TMEM245: variants seen among roughly 807,000 people sequenced by gnomAD.
TMEM245 encodes the protein protein CG-2.
Under a neutral mutation model 101.2 loss-of-function variants are expected in TMEM245, and 69 were observed. The observed-to-expected ratio is 0.68, with a 90% CI of 0.56 to 0.83. The LOEUF is 0.83. TMEM245 is among the 40% of genes least tolerant of loss of function. TMEM245 has a pLI of 0.00. For missense variants in TMEM245, 1,075 were observed against 1,092.8 expected (o/e 0.98, Z 0.23); for synonymous variants, 537 against 449.8 (o/e 1.19, Z -2.45).
At chr9:109,057,624 G>T (rs1304367981) in intron 11 of TMEM245, among the ~76,000 whole-genome samples, 1 of 152,078 alleles carries the variant, frequency 6.6e-6, no homozygotes, top group Non-Finnish European at 1.5e-5. Context: ...GGTGGCACGT[G>T]CCTGTAATCC....
chr9:109,059,542 C>T (rs1374365417), intron 11 of TMEM245, among the ~76,000 whole-genome samples: 1 of 151,970 alleles, frequency 6.6e-6, no homozygotes, highest in Non-Finnish European at 1.5e-5. Context: ...ATTCACCAGG[C>T]ATGGTGGCAT....
At chr9:109,027,614 G>A (rs1312354372) in intron 17 of TMEM245, among the ~76,000 whole-genome samples, 1 of 152,070 alleles carries the variant, frequency 6.6e-6, no homozygotes, top group African/African-American at 2.4e-5. Context: ...CAAAGCAGTG[G>A]CCCTGCCACA....
chr9:109,076,836 A>T (rs965513063), intron 8 of TMEM245, among the ~76,000 whole-genome samples: 1 of 150,990 alleles, frequency 6.6e-6, no homozygotes, highest in African/African-American at 2.4e-5. Flanking sequence ...GACTACAGAA[A>T]TGCATCACAA....
intron 3 of TMEM245, among the ~76,000 whole-genome samples, chr9:109,099,974 G>A (rs1830242588): frequency 6.6e-6 from 1 of 152,188 alleles, no homozygotes; most frequent in Non-Finnish European, 1.5e-5. Context: ...CCAGATGCCA[G>A]CACCTTGACA....
intron 5 of TMEM245, among the ~76,000 whole-genome samples, chr9:109,090,256 G>A (rs964606285): frequency 4.6e-5 from 7 of 151,046 alleles, no homozygotes; most frequent in African/African-American, 1.2e-4. Context: ...GCGAGACTCC[G>A]TCTCAAAAAA....
chr9:109,072,928 G>A (rs1329178536), intron 9 of TMEM245, among the ~76,000 whole-genome samples: 1 of 152,206 alleles, frequency 6.6e-6, no homozygotes, highest in Non-Finnish European at 1.5e-5. Flanking sequence ...CTTTCCTTCA[G>A]TTGATCAGAA....
intron 3 of TMEM245, among the ~76,000 whole-genome samples, chr9:109,101,590 G>C (rs926015167): frequency 1.3e-5 from 2 of 152,170 alleles, no homozygotes; most frequent in Non-Finnish European, 2.9e-5. Flanking sequence ...ATTTAGACTA[G>C]AAGTCCAGAA....
chr9:109,067,318 C>T (rs1053268475), intron 9 of TMEM245, among the ~76,000 whole-genome samples: 5 of 152,116 alleles, frequency 3.3e-5, no homozygotes, highest in African/African-American at 9.7e-5. Context: ...GGCTGTACTC[C>T]GGCCTTACAC....
chr9:109,113,001 G>A (rs1025422343), intron 1 of TMEM245, among the ~76,000 whole-genome samples: 8 of 152,122 alleles, frequency 5.3e-5, no homozygotes, highest in Non-Finnish European at 1.0e-4. Flanking sequence ...GCTTGAACCC[G>A]GGAGGCAGAG....
At chr9:109,034,427 A>G (rs142279138) in intron 16 of TMEM245, among the ~76,000 whole-genome samples, 1 of 152,214 alleles carries the variant, frequency 6.6e-6, no homozygotes, top group Non-Finnish European at 1.5e-5. Context: ...CTTCTTCCCT[A>G]AACAACACAT....
At chr9:109,078,590 T>G (rs145874867) in intron 8 of TMEM245, among the ~76,000 whole-genome samples, 75 of 152,362 alleles carry the variant, frequency 4.9e-4, no homozygotes, top group African/African-American at 1.7e-3. Context: ...TCTTTGCTGT[T>G]TATTAAGAGA....
At chr9:109,091,285 TA>T in intron 4 of TMEM245, 130 bp from the exon 5 acceptor site, 2 of 724,598 alleles carry the variant, frequency 2.8e-6, no homozygotes, top group Non-Finnish European at 4.4e-6. Flanking sequence ...TACATCGGGT[TA>T]AAAAAGACAA....
intron 10 of TMEM245, among the ~76,000 whole-genome samples, chr9:109,063,078 A>G (rs1398947595): frequency 1.3e-5 from 2 of 152,186 alleles, no homozygotes; most frequent in Non-Finnish European, 2.9e-5. Flanking sequence ...TAGTCAGAAC[A>G]TCATTTGAGA....
intron 3 of TMEM245, among the ~76,000 whole-genome samples, chr9:109,105,773 T>A (rs1487906179): frequency 6.6e-6 from 1 of 152,108 alleles, no homozygotes; most frequent in Non-Finnish European, 1.5e-5. Flanking sequence ...ACATATTGTA[T>A]GCCTGTTTTT....
Position 109,050,441 on chromosome 9 carries a change from G to A in TMEM245, c.1978-13C>T. ...TCAGGAAAATTATCTGCAAAACAAAGGACAACATCTCCTAAAAAAATCGTA... is the reference window on the plus strand; with the variant it reads ...TCAGGAAAATTATCTGCAAAACAAAAGACAACATCTCCTAAAAAAATCGTA... On this transcript the variant is annotated splice_polypyrimidine_tract_variant and intron_variant, in intron 13 of 17. Coordinates refer to ENST00000374586, the MANE Select transcript of TMEM245 (RefSeq NM_032012.4). 6.2e-7 allele frequency: 1 copy of A among 1,612,948 alleles called. No homozygotes were observed.
intron 8 of TMEM245, among the ~76,000 whole-genome samples, chr9:109,078,327 C>G (rs1829575541): frequency 6.6e-6 from 1 of 152,124 alleles, no homozygotes; most frequent in South Asian, 2.1e-4. Context: ...GAAAATATAA[C>G]CCACATATTT....
rs111227047 is a variant in TMEM245 at position 109,064,773 on chromosome 9, G to A, written c.1533-206C>T. The stretch of plus-strand genomic sequence containing the variant: ...AGGATGTCCTTTCAATCTTTCCTTA[G>A]CTTTTATTTATTTTATTTTATTTTT... On this transcript the variant is annotated intron_variant, in intron 9 of 17. Transcript: ENST00000374586. 4.9e-3 allele frequency among the ~76,000 whole-genome samples: 745 copies of A among 152,102 alleles called. 8 individuals carry two copies. Among genetic ancestry groups the A allele is most frequent in the African/African-American group, 0.017 (707 of 41,510 alleles).
chr9:109,073,387 CATTA>C lies in TMEM245; in HGVS notation c.1497_1500del (p.Ile499MetfsTer4). ...CACTCAGGGTGATTTGCTAGAGTTT[CATTA>C]ATCAAATTACTTGTGACTTCAATCA... On this transcript the variant is annotated frameshift_variant, in exon 9 of 18. Coordinates refer to ENST00000374586, the MANE Select transcript of TMEM245 (RefSeq NM_032012.4). LOFTEE classifies it high-confidence loss of function. 6.2e-7 allele frequency: 1 copy of C among 1,613,066 alleles called. No homozygotes were observed. Among genetic ancestry groups the C allele is most frequent in the East Asian group, 2.2e-5 (1 of 44,836 alleles).
Position 109,060,334 on chromosome 9 carries a change from CTT to C in TMEM245, c.1722+18_1722+19del. On this transcript the variant is annotated intron_variant, in intron 11 of 17. Coordinates refer to ENST00000374586, the MANE Select transcript of TMEM245 (RefSeq NM_032012.4). ...GACTTTATTAGTTTACAACAGGAAA[CTT>C]TAGCTAAAATAACTTACCTTTACAA... The C allele has an allele frequency of 6.4e-7, 1 of 1,572,234 alleles. No individual in the cohort carries two copies. Among genetic ancestry groups the C allele is most frequent in the Non-Finnish European group, 8.7e-7 (1 of 1,149,518 alleles).
Sources: allele counts gnomAD v4.1 joint callset (sites outside exome capture counted in the v4.1 genomes callset), GRCh38; gene constraint gnomAD v4.1.1; transcripts MANE v1.5; gene names NCBI Gene and HGNC (gene_info 2026-07-23, HGNC 2026-07-21).